ZNF117: variants seen among roughly 807,000 people sequenced by gnomAD.
ZNF117 encodes the protein zinc finger protein 117, also known as Krueppel-related zinc finger protein.
ZNF117 carries 37 observed loss-of-function variants against 41.2 expected under a neutral mutation model. The ratio of observed to expected loss-of-function variants is 0.90; its 90% CI spans 0.69 to 1.18. The LOEUF (loss-of-function observed/expected upper bound fraction) is 1.18. ZNF117 is among the 50% of genes most tolerant of loss of function. ZNF117 has a pLI of 0.00. For synonymous variants in ZNF117, 186 were observed against 186.6 expected (o/e 1.00, Z 0.02); for missense variants, 546 against 557.5 (o/e 0.98, Z 0.21).
Position 64,979,154 on chromosome 7 carries a change from A to G in ZNF117, c.417T>C (p.Cys139=), listed in dbSNP as rs766136424. 3 of 1,605,558 alleles carry G rather than the reference A, an allele frequency of 1.9e-6. No individual in the cohort carries two copies. The African/African-American group carries it at 4.0e-5, about 22-fold the overall frequency. ...AGTTAAAGGCTCTTCCATATGCTTC[A>G]CATTTGTAGAAATTCACTCTAGTTT... Residue 139 remains cysteine, a synonymous_variant, in exon 3 of 3, where the codon TGT becomes TGC. Coordinates refer to ENST00000620222, the Ensembl canonical transcript of ZNF117.
chr7:64,975,402 T>A (rs1443788462), exon 3 of ZNF117: 1 of 151,992 alleles, frequency 6.6e-6, no homozygotes, highest in Non-Finnish European at 1.5e-5. Flanking sequence ...ACTTCCCTCA[T>A]ACATCATTCA....
chr7:64,983,008 A>C (rs1185423016), upstream of ZNF117, among the ~76,000 whole-genome samples: 1 of 152,216 alleles, frequency 6.6e-6, no homozygotes, highest in Admixed American at 6.5e-5. Context: ...GTTTTATGGA[A>C]ACTTCAAGAT....
chr7:64,979,054 C>A, exon 3 of ZNF117: 1 of 1,613,064 alleles, frequency 6.2e-7, no homozygotes, highest in Non-Finnish European at 8.5e-7. Context: ...TGGTTAAAGG[C>A]TTTGCCACAT....
At chr7:64,973,646 G>T (rs1287107422), downstream of ZNF117, 1 of 151,830 alleles carries the variant, frequency 6.6e-6, no homozygotes, top group South Asian at 2.1e-4. Context: ...AACCTACAAA[G>T]TACTGTATAA....
exon 3 of ZNF117, chr7:64,978,896 T>G: frequency 6.2e-7 from 1 of 1,613,638 alleles, no homozygotes; most frequent in Non-Finnish European, 8.5e-7. Context: ...CTCTAACACA[T>G]TTCTCACATT....
chr7:64,975,299 GTACAGT>G (rs1785858891), exon 3 of ZNF117: 4 of 23,478 alleles, frequency 1.7e-4, no homozygotes, highest in South Asian at 0.012. Context: ...TTACATAAAA[GTACAGT>G]TAGTAAAATG....
rs1300070173 is a variant in ZNF117, at chr7:64,979,478, G to T, written c.93C>A (p.Phe31Leu). 19 of 1,589,720 alleles carry T rather than the reference G, an allele frequency of 1.2e-5. No individual in the cohort carries two copies. The East Asian group carries it at 4.0e-4, about 34-fold the overall frequency. The change falls in exon 3 of 3, where the codon TTC becomes TTA. Residue 31 changes from phenylalanine (F) to leucine (L), a missense_variant. Transcript: ENST00000620222. The stretch of plus-strand genomic sequence containing the variant: ...TATATCTTCTTAGGGTCACTTTCTG[G>T]AAAGAATCTCTTATGTTCTGCTCTG...
At chr7:64,972,774 A>C (rs550299622), downstream of ZNF117, 1 of 152,206 alleles carries the variant, frequency 6.6e-6, no homozygotes, top group East Asian at 1.9e-4. Context: ...TGTTTTTGAA[A>C]AACATTGACA....
At position 64,978,017 on chromosome 7, in the gene ZNF117, T is replaced by C. The variant is rs1785927736; in HGVS notation, c.*102A>G. On this transcript the variant is annotated 3_prime_UTR_variant, in exon 3 of 3. Transcript: ENST00000620222. ...TCTCTCCAGTATGAATCATCTTATG[T>C]TTAGTAAGGGTTGAGAAATGGTTAG... The C allele has an allele frequency of 3.0e-6, 4 of 1,344,882 alleles. No individual in the cohort carries two copies. The East Asian group carries it at 7.1e-5, about 24-fold the overall frequency. The allele number at this position is 1,344,882 out of a possible 1,614,324, so 83.3% of individuals were successfully genotyped here.
upstream of ZNF117, among the ~76,000 whole-genome samples, chr7:64,983,914 TAA>T (rs539471919): frequency 2.4e-4 from 36 of 152,336 alleles, no homozygotes; most frequent in African/African-American, 8.2e-4. Flanking sequence ...AAGCTAGATA[TAA>T]GTTTGATCAA....
Position 64,979,379 on chromosome 7 carries a change from TC to T in ZNF117, c.191del (p.Gly64GlufsTer10), listed in dbSNP as rs868860958. 12 of 1,606,396 alleles carry T rather than the reference TC, an allele frequency of 7.5e-6. No homozygotes were observed. In the African/African-American group the frequency reaches 1.3e-4, roughly 18 times the overall value. ...AACATTGGTTAAGTCCACTATAATCTCCTTTGTGCTGTTTACACTCAACCAC... is the reference window on the plus strand; with the variant it reads ...AACATTGGTTAAGTCCACTATAATCTCTTTGTGCTGTTTACACTCAACCAC... On this transcript the variant is annotated frameshift_variant, in exon 3 of 3. Transcript: ENST00000620222. LOFTEE classifies it high-confidence loss of function.
At chr7:64,987,785 A>T (rs1207135643) in intron 1 of ZNF117, among the ~76,000 whole-genome samples, 1 of 151,132 alleles carries the variant, frequency 6.6e-6, no homozygotes, top group Non-Finnish European at 1.5e-5. Flanking sequence ...GGAGTTTGAG[A>T]CCTGCCTGGG....
At chr7:64,979,682 A>C in intron 2 of ZNF117, 146 bp from the exon 4 acceptor site, 1 of 546,978 alleles carries the variant, frequency 1.8e-6, no homozygotes, top group South Asian at 5.7e-5. Flanking sequence ...ATAGACATAT[A>C]AATGTAACAA....
upstream of ZNF117, among the ~76,000 whole-genome samples, chr7:64,985,804 C>T (rs1786120806): frequency 6.6e-6 from 1 of 151,616 alleles, no homozygotes. Flanking sequence ...ACTGAAGATA[C>T]AAAAAATTAG....
upstream of ZNF117, among the ~76,000 whole-genome samples, chr7:64,984,597 G>A (rs1171237193): frequency 1.3e-5 from 2 of 151,972 alleles, no homozygotes; most frequent in African/African-American, 4.8e-5. Context: ...TAACTCTACT[G>A]GATAAATTAG....
exon 2 of ZNF117, chr7:64,981,422 T>C (rs1203979616): frequency 1.2e-6 from 2 of 1,613,012 alleles, no homozygotes; most frequent in African/African-American, 2.7e-5. Flanking sequence ...TCTCTTCATA[T>C]TCCAGGGCTC....
chr7:64,988,086 T>TCCC, intron 1 of ZNF117, among the ~76,000 whole-genome samples: 1 of 151,850 alleles, frequency 6.6e-6, no homozygotes, highest in Admixed American at 6.6e-5. Context: ...AAAAAAACAC[T>TCCC]CCCCTTCAAC....
intron 1 of ZNF117, among the ~76,000 whole-genome samples, chr7:64,989,480 T>TAC (rs1562649412): frequency 1.4e-5 from 1 of 71,782 alleles, no homozygotes; most frequent in South Asian, 3.6e-4. Flanking sequence ...TATATATATA[T>TAC]ATATATATAT....
At chr7:64,979,166 A>G (rs367730940) in exon 3 of ZNF117, 267 of 1,605,396 alleles carry the variant, frequency 1.7e-4, no homozygotes, top group Middle Eastern at 3.3e-4. Context: ...ATTTGTAGAA[A>G]TTCACTCTAG....
Sources: gnomAD v4.1 joint callset for allele counts (sites outside exome capture counted in the v4.1 genomes callset) on GRCh38, gnomAD v4.1.1 for gene constraint, MANE v1.5 for transcripts, NCBI Gene and HGNC (gene_info 2026-07-23, HGNC 2026-07-21) for gene names.